Variants in ITPR3 observed in about 807,000 individuals in gnomAD.
ITPR3 encodes inositol 1,4,5-trisphosphate receptor type 3, also known as inositol 1,4,5-trisphosphate-gated calcium channel ITPR3.
ITPR3 carries 173 observed loss-of-function variants against 293.2 expected under a neutral mutation model. The ratio of observed to expected loss-of-function variants is 0.59; its 90% CI spans 0.52 to 0.67. ITPR3 has a LOEUF of 0.67. Among genes scored for constraint, ITPR3 ranks in the 30% least tolerant of loss-of-function variants. The pLI is 0.00. For synonymous variants in ITPR3, 1,295 were observed against 1,444.4 expected (o/e 0.90, Z 2.35); for missense variants, 2,796 against 3,592.1 (o/e 0.78, Z 5.66).
chr6:33,668,897 C>G (rs1398400891), intron 17 of ITPR3, 77 bp from the exon 18 acceptor site: 1 of 1,460,966 alleles, frequency 6.8e-7, no homozygotes, highest in East Asian at 2.3e-5. Flanking sequence ...CACTGTGTGG[C>G]CGGGTGTGCT....
Position 33,671,321 on chromosome 6 carries a change from C to T in ITPR3, c.2728+15C>T, listed in dbSNP as rs752731366. 27 of 1,595,988 alleles carry T rather than the reference C, an allele frequency of 1.7e-5. No homozygotes were observed. In the African/African-American group the frequency reaches 2.0e-4, roughly 12 times the overall value. On this transcript the variant is annotated intron_variant, in intron 21 of 57. Transcript: ENST00000605930. ...GGACCCCGGTGGTGAGGCCTTTGCC[C>T]GGCTCGGGCCACCCTGGTGGTCCTC...
rs962637139 is a variant in ITPR3 at position 33,679,598 on chromosome 6, T to G, written c.3973-284T>G. ...AGGGAGGGGGTGAGCAAGGCGGGAT[T>G]AGCGAGGCTTCCTGGAGGAAGCTGC... On this transcript the variant is annotated intron_variant, in intron 30 of 57. Transcript: ENST00000605930. The surrounding 1 kb of genome is among the most constrained non-coding windows in gnomAD (Gnocchi z 4.2). Among the ~76,000 whole-genome samples, 1 of 152,214 alleles carries G rather than the reference T, an allele frequency of 6.6e-6. No individual in the cohort carries two copies. Among genetic ancestry groups the G allele is most frequent in the Non-Finnish European group, 1.5e-5 (1 of 67,990 alleles).
rs1270079934 is a variant in ITPR3 at position 33,689,397 on chromosome 6, T to G, written c.6854T>G (p.Leu2285Arg). The change falls in exon 50 of 58, where the codon CTG becomes CGG. Residue 2285 changes from leucine to arginine, a missense_variant. Around this residue, in one of 8 missense-constraint regions of ITPR3, gnomAD observed 568 missense variants for 796.1 expected, o/e 0.71. Coordinates refer to ENST00000605930, the MANE Select transcript of ITPR3 (RefSeq NM_002224.4). The part of the protein sequence containing the change: ...YLGIGPTLNI[L>R]GALNLTNKIV... The stretch of plus-strand genomic sequence containing the variant: ...GGCATCGGGCCCACACTCAACATCC[T>G]GGGTGCCCTCAATGTGAGTGCCAGA... 1 of 1,609,784 alleles carries G rather than the reference T, an allele frequency of 6.2e-7. No individual in the cohort carries two copies. The highest frequency in any genetic ancestry group is 8.5e-7 in the Non-Finnish European group (1 of 1,179,970).
chr6:33,667,659 T>C lies in ITPR3; in HGVS notation c.1714-133T>C. The C allele has an allele frequency of 1.0e-6, 1 of 982,168 alleles. No individual in the cohort carries two copies. Among genetic ancestry groups the C allele is most frequent in the Non-Finnish European group, 1.5e-6 (1 of 670,514 alleles). The allele number at this position is 982,168 out of a possible 1,614,324, so 60.8% of individuals were successfully genotyped here. ...AGCCACTCTTCTGCCCAGCGATGCT[T>C]CCTTTCCTGGACCTCTGCCTTTCTA... On this transcript the variant is annotated intron_variant, in intron 15 of 57. Coordinates refer to ENST00000605930, the MANE Select transcript of ITPR3 (RefSeq NM_002224.4). The surrounding 1 kb of genome is among the most constrained non-coding windows in gnomAD (Gnocchi z 4.4).
At chr6:33,660,111 C>A (rs557355932) in intron 7 of ITPR3, among the ~76,000 whole-genome samples, 1 of 152,242 alleles carries the variant, frequency 6.6e-6, no homozygotes, top group Admixed American at 6.5e-5. Flanking sequence ...ACCAGAGAGA[C>A]CATTCAAGAA....
In ITPR3 at chr6:33,632,811, G is replaced by A. The variant is rs1045866377; in HGVS notation, c.90-7673G>A. 6.6e-6 allele frequency among the ~76,000 whole-genome samples: 1 copy of A among 152,246 alleles called. No homozygotes were observed. Among genetic ancestry groups the A allele is most frequent in the African/African-American group, 2.4e-5 (1 of 41,466 alleles). On this transcript the variant is annotated intron_variant, in intron 1 of 57. Transcript: ENST00000605930. The surrounding 1 kb of genome is among the most constrained non-coding windows in gnomAD (Gnocchi z 4.1). ...TGGGCTGGTCCTGGAGGGGAGAAGG[G>A]GACACACAGGTGTAGACAGGGCTCC...
chr6:33,657,920 G>A lies in ITPR3; in HGVS notation c.283-12G>A, dbSNP rs1254583389. ...CTGAGCCCACCCTTCACTTCTGTGT[G>A]TGTCTGTGCAGCATGCGGCGCAGAT... On this transcript the variant is annotated splice_polypyrimidine_tract_variant and intron_variant, in intron 3 of 57. Coordinates refer to ENST00000605930, the MANE Select transcript of ITPR3 (RefSeq NM_002224.4). 6.2e-7 allele frequency: 1 copy of A among 1,612,394 alleles called. No individual in the cohort carries two copies. The highest frequency in any genetic ancestry group is 1.7e-5 in the Admixed American group (1 of 59,918).
intron 7 of ITPR3, among the ~76,000 whole-genome samples, chr6:33,660,729 G>A (rs1444157002): frequency 1.3e-5 from 2 of 152,176 alleles, no homozygotes; most frequent in Non-Finnish European, 2.9e-5. Flanking sequence ...AGGAGCTCAA[G>A]ACCAGCCTGG....
rs546398737 is a variant in ITPR3 at position 33,654,781 on chromosome 6, G to A, written c.161-985G>A. On this transcript the variant is annotated intron_variant, in intron 2 of 57. Coordinates refer to ENST00000605930, the MANE Select transcript of ITPR3 (RefSeq NM_002224.4). The surrounding 1 kb of genome is among the most constrained non-coding windows in gnomAD (Gnocchi z 4.1). ...TCTCAGGGCCACTGAGTCCTGCTCC[G>A]TGCCCAGGCTGTGGATCCCTCCTGT... Among the ~76,000 whole-genome samples, 2 of 152,210 alleles carry A rather than the reference G, an allele frequency of 1.3e-5. No individual in the cohort carries two copies. The highest frequency in any genetic ancestry group is 6.5e-5 in the Admixed American group (1 of 15,292).
Position 33,658,780 on chromosome 6 carries a change from C to T in ITPR3, c.480C>T (p.Ser160=). ...TGGATGCCACAGGCAACGAGGGTTCCTGGCTCTTCATCCAGCCCTTCTGGA... is the reference window on the plus strand; with the variant it reads ...TGGATGCCACAGGCAACGAGGGTTCTTGGCTCTTCATCCAGCCCTTCTGGA... ...VTLDATGNEG[S]WLFIQPFWKL... The change falls in exon 5 of 58, where the codon TCC becomes TCT. Residue 160 remains serine, a synonymous_variant. Transcript: ENST00000605930. The surrounding 1 kb of genome is among the most constrained non-coding windows in gnomAD (Gnocchi z 6.1). The T allele has an allele frequency of 6.2e-7, 1 of 1,614,188 alleles. No homozygotes were observed. Among genetic ancestry groups the T allele is most frequent in the South Asian group, 1.1e-5 (1 of 91,084 alleles).
intron 2 of ITPR3, among the ~76,000 whole-genome samples, chr6:33,650,213 G>A (rs1454997714): frequency 6.6e-6 from 1 of 152,192 alleles, no homozygotes; most frequent in Non-Finnish European, 1.5e-5. Context: ...CCCCTTCTGG[G>A]GTTCTGACAG....
In ITPR3 at chr6:33,692,697, G is replaced by T. The variant is rs367843608; in HGVS notation, c.7459-31G>T. 1 of 1,609,742 alleles carries T rather than the reference G, an allele frequency of 6.2e-7. No individual in the cohort carries two copies. Among genetic ancestry groups the T allele is most frequent in the Non-Finnish European group, 8.5e-7 (1 of 1,177,258 alleles). On this transcript the variant is annotated intron_variant, in intron 54 of 57. Transcript: ENST00000605930. The surrounding 1 kb of genome is among the most constrained non-coding windows in gnomAD (Gnocchi z 4.2). Reference sequence around the variant, plus strand: ...TGCCCCAGTGAATGTGGGGACCACCGGGCCCAGCCTCCCTGCCTCATCCCC... The same window carrying T: ...TGCCCCAGTGAATGTGGGGACCACCTGGCCCAGCCTCCCTGCCTCATCCCC...
chr6:33,646,373 A>G (rs1020636557), intron 2 of ITPR3, among the ~76,000 whole-genome samples: 1 of 69,992 alleles, frequency 1.4e-5, no homozygotes, highest in Non-Finnish European at 2.6e-5. Flanking sequence ...CCCACCCCCC[A>G]CCCCCTCCAC....
intron 2 of ITPR3, among the ~76,000 whole-genome samples, chr6:33,642,458 C>T (rs1329986095): frequency 4.6e-5 from 7 of 151,874 alleles, no homozygotes; most frequent in East Asian, 1.9e-4. Context: ...CTGCCAGGAC[C>T]GGAAGGGGAA....
intron 1 of ITPR3, among the ~76,000 whole-genome samples, chr6:33,622,146 G>A (rs1310722770): frequency 1.3e-5 from 2 of 152,052 alleles, no homozygotes; most frequent in African/African-American, 4.8e-5. Context: ...TGCCTTTGAG[G>A]GGTCGCACCT....
Position 33,676,803 on chromosome 6 carries a change from C to A in ITPR3, c.3318C>A (p.Asn1106Lys). ...TGATCTCAGCGCAGGACGTGGAGAA[C>A]TACAAGGTGATCAAGTCGGAGCTGG... ...QLLISAQDVE[N>K]YKVIKSELDR... Residue 1106 changes from asparagine to lysine, a missense_variant, in exon 26 of 58, where the codon AAC becomes AAA. By Grantham distance (94) the Asn-to-Lys change is moderately conservative. Around this residue, in one of 8 missense-constraint regions of ITPR3, gnomAD observed 955 missense variants for 1,180.8 expected, o/e 0.81. Transcript: ENST00000605930. 1 of 1,614,180 alleles carries A rather than the reference C, an allele frequency of 6.2e-7. No individual in the cohort carries two copies. The highest frequency in any genetic ancestry group is 1.1e-5 in the South Asian group (1 of 91,082).
chr6:33,663,682 C>A, intron 10 of ITPR3, 56 bp from the exon 11 acceptor site: 1 of 1,609,526 alleles, frequency 6.2e-7, no homozygotes, highest in Non-Finnish European at 8.5e-7. Flanking sequence ...ATCCCAGGTG[C>A]TTCATGGGCT....
At chr6:33,627,724 C>A (rs1362116434) in intron 1 of ITPR3, among the ~76,000 whole-genome samples, 2 of 152,214 alleles carry the variant, frequency 1.3e-5, no homozygotes, top group Non-Finnish European at 2.9e-5. Flanking sequence ...AGGAACAGAA[C>A]TTGGTGCCAC....
rs1764383472 is a variant in ITPR3 at position 33,658,967 on chromosome 6, G to A, written c.529-54G>A. On this transcript the variant is annotated intron_variant, in intron 5 of 57. Transcript: ENST00000605930. This position sits in a 1 kb window ranked among gnomAD's most constrained non-coding sequence, Gnocchi z 6.1. ...AGACCAAAGGGAGGCCTGGAGGCGT[G>A]GTGACAAGAGGGCCCTGCCCTTCCC... The A allele has an allele frequency of 1.2e-6, 2 of 1,605,024 alleles. No individual in the cohort carries two copies. Among genetic ancestry groups the A allele is most frequent in the African/African-American group, 2.7e-5 (2 of 74,772 alleles).
Sources: gnomAD v4.1 joint callset for allele counts (sites outside exome capture counted in the v4.1 genomes callset) on GRCh38, gnomAD v4.1.1 for gene constraint, gnomAD v4.1.1 regional missense constraint, Gnocchi (gnomAD v3.1) non-coding constraint, MANE v1.5 for transcripts, NCBI Gene and HGNC (gene_info 2026-07-23, HGNC 2026-07-21) for gene names.